DHX40: variants seen among roughly 807,000 people sequenced by gnomAD.
DHX40 encodes the protein probable ATP-dependent RNA helicase DHX40.
In DHX40, 28 loss-of-function variants were observed where a neutral mutation model predicts 89.6. The ratio of observed to expected loss-of-function variants is 0.31; its 90% CI spans 0.23 to 0.43. The LOEUF is 0.43. Among genes scored for constraint, DHX40 ranks in the 20% least tolerant of loss-of-function variants. DHX40 has a pLI of 1.00. For missense variants in DHX40, 457 were observed against 844.0 expected (o/e 0.54, Z 5.68); for synonymous variants, 226 against 283.6 (o/e 0.80, Z 2.04).
intron 4 of DHX40, among the ~76,000 whole-genome samples, chr17:59,573,452 C>T (rs149779712): frequency 4.6e-5 from 7 of 152,152 alleles, no homozygotes; most frequent in African/African-American, 1.7e-4. Context: ...ATCTCAACCT[C>T]CTGAGTTGCT....
intron 2 of DHX40, among the ~76,000 whole-genome samples, chr17:59,569,711 CTA>C (rs10607665): frequency 0.056 from 7,861 of 140,618 alleles, 770 homozygotes; most frequent in African/African-American, 0.19. Context: ...ATATATATAT[CTA>C]TATATATATA....
rs937418317 is a variant in DHX40, at chr17:59,607,848, T to A, written c.*676T>A. On this transcript the variant is annotated 3_prime_UTR_variant, in exon 18 of 18. Coordinates refer to ENST00000251241, the MANE Select transcript of DHX40 (RefSeq NM_024612.5). ...TATAAAAGTATATTGTTTAAAACAG[T>A]AGCTATAGCCATTAACCAAAGGACA... 2 of 151,524 alleles carry A rather than the reference T, an allele frequency of 1.3e-5. No homozygotes were observed. Among genetic ancestry groups the A allele is most frequent in the Non-Finnish European group, 1.5e-5 (1 of 67,896 alleles). 9.4% of individuals were successfully genotyped at this position (151,524 alleles called of 1,614,324 possible).
chr17:59,591,888 A>G (rs2049088431), intron 12 of DHX40, among the ~76,000 whole-genome samples: 5 of 151,846 alleles, frequency 3.3e-5, no homozygotes, highest in African/African-American at 1.2e-4. Flanking sequence ...GTTTTGTTTG[A>G]GAGAGAGTCT....
chr17:59,592,067 C>T (rs1199499542), intron 12 of DHX40, among the ~76,000 whole-genome samples: 1 of 151,396 alleles, frequency 6.6e-6, no homozygotes, highest in East Asian at 2.0e-4. Flanking sequence ...GATGAGGTCT[C>T]CCCATGTTGC....
At chr17:59,585,786 TCTA>T (rs1382931396) in intron 10 of DHX40, among the ~76,000 whole-genome samples, 2 of 133,638 alleles carry the variant, frequency 1.5e-5, no homozygotes, top group East Asian at 4.6e-4. Context: ...TTAATATTTC[TCTA>T]CTATTAATAT....
rs748853192 is a variant in DHX40 at position 59,565,643 on chromosome 17, C to T, written c.-29C>T. On this transcript the variant is annotated 5_prime_UTR_variant, in exon 1 of 18. In the 5' UTR this introduces an upstream ATG that the reference lacks. Transcript: ENST00000251241. ...CCTCCCATCTCCTCAGATCGGTGGACGTGCTCGCCTCCACTCGGGGCCAGG... is the reference window on the plus strand; with the variant it reads ...CCTCCCATCTCCTCAGATCGGTGGATGTGCTCGCCTCCACTCGGGGCCAGG... The T allele has an allele frequency of 1.8e-5, 29 of 1,581,254 alleles. No individual in the cohort carries two copies. The highest frequency in any genetic ancestry group is 6.7e-5 in the African/African-American group (5 of 74,500).
intron 12 of DHX40, among the ~76,000 whole-genome samples, chr17:59,598,043 A>G (rs1266678644): frequency 6.7e-6 from 1 of 149,252 alleles, no homozygotes; most frequent in Non-Finnish European, 1.5e-5. Flanking sequence ...ATTTTTGTAT[A>G]TTTTGTAGAG....
chr17:59,602,491 A>T, intron 14 of DHX40, 31 bp from the exon 15 acceptor site: 1 of 1,538,012 alleles, frequency 6.5e-7, no homozygotes, highest in Non-Finnish European at 8.9e-7. Context: ...GTACTATGAG[A>T]TTTACCACTC....
intron 11 of DHX40, 127 bp from the exon 12 acceptor site, chr17:59,587,769 A>G: frequency 1.6e-6 from 2 of 1,285,090 alleles, no homozygotes; most frequent in Non-Finnish European, 2.2e-6. Context: ...AATTTTCTTA[A>G]ATTGAATTGA....
At chr17:59,567,717 G>A (rs903830856) in intron 2 of DHX40, among the ~76,000 whole-genome samples, 1 of 146,600 alleles carries the variant, frequency 6.8e-6, no homozygotes, top group African/African-American at 2.5e-5. Flanking sequence ...ATGAGGTCAG[G>A]AGATCGGGAC....
intron 7 of DHX40, among the ~76,000 whole-genome samples, chr17:59,576,761 TTAAC>T (rs1380403267): frequency 1.8e-4 from 28 of 152,318 alleles, no homozygotes; most frequent in Admixed American, 1.3e-3. Flanking sequence ...TTATTAATCA[TTAAC>T]TAAATATGTA....
At chr17:59,592,205 T>C (rs376179350) in intron 12 of DHX40, among the ~76,000 whole-genome samples, 37 of 151,040 alleles carry the variant, frequency 2.4e-4, no homozygotes, top group East Asian at 5.8e-4. Context: ...TACAATATTA[T>C]TATCTAATCC....
chr17:59,604,369 C>T (rs1419295726), intron 15 of DHX40: 1 of 152,028 alleles, frequency 6.6e-6, no homozygotes, highest in Non-Finnish European at 1.5e-5. Context: ...CCTCTGTATG[C>T]CAAACACTGG....
intron 15 of DHX40, chr17:59,604,262 T>G (rs2030709020): frequency 6.6e-6 from 1 of 152,170 alleles, no homozygotes; most frequent in Admixed American, 6.5e-5. Flanking sequence ...GTTGGCAGTT[T>G]GCTGTCAAAT....
intron 12 of DHX40, among the ~76,000 whole-genome samples, chr17:59,593,911 C>T (rs1289943646): frequency 2.7e-5 from 4 of 149,458 alleles, no homozygotes; most frequent in Admixed American, 6.7e-5. Context: ...TCAACTCCAG[C>T]GGTCAGTCAG....
intron 12 of DHX40, among the ~76,000 whole-genome samples, chr17:59,594,611 C>G (rs1247207325): frequency 2.7e-5 from 4 of 149,296 alleles, no homozygotes; most frequent in Middle Eastern, 7.0e-3. Flanking sequence ...AACGTACAAA[C>G]CTGGAATAGC....
Position 59,592,322 on chromosome 17 carries a change from A to G in DHX40, c.1582+4269A>G, listed in dbSNP as rs555585626. Among the ~76,000 whole-genome samples the G allele has an allele frequency of 4.6e-5, 7 of 151,920 alleles. 1 individual carries two copies. The South Asian group carries it at 1.5e-3, about 32-fold the overall frequency. ...AACAACCCTATATAACTACAGTTTG[A>G]TATTTGTTTACAGTTAATTTTAGGT... On this transcript the variant is annotated intron_variant, in intron 12 of 17. Coordinates refer to ENST00000251241, the MANE Select transcript of DHX40 (RefSeq NM_024612.5).
intron 3 of DHX40, among the ~76,000 whole-genome samples, chr17:59,571,254 T>G (rs1457760943): frequency 2.0e-5 from 3 of 152,022 alleles, no homozygotes; most frequent in Non-Finnish European, 4.4e-5. Flanking sequence ...GGTCAGGAGT[T>G]CGAGACCAGC....
intron 14 of DHX40, 118 bp from the exon 15 acceptor site, chr17:59,602,402 GTC>G: frequency 1.2e-6 from 1 of 806,130 alleles, no homozygotes; most frequent in South Asian, 2.5e-5. Context: ...GGTAAATCTG[GTC>G]TCTCTTAATC....
Sources: gnomAD v4.1 joint callset for allele counts (sites outside exome capture counted in the v4.1 genomes callset) on GRCh38, gnomAD v4.1.1 for gene constraint, MANE v1.5 for transcripts, NCBI Gene and HGNC (gene_info 2026-07-23, HGNC 2026-07-21) for gene names.